ARHGAP15: variants seen among roughly 807,000 people sequenced by gnomAD.
ARHGAP15 encodes rho GTPase-activating protein 15.
A neutral mutation model predicts 63.7 loss-of-function variants in ARHGAP15; 51 were observed. The ratio of observed to expected loss-of-function variants is 0.80; its 90% CI spans 0.64 to 1.01. The LOEUF is 1.01. Ranked by LOEUF, ARHGAP15 falls within the 50% of genes least tolerant of loss-of-function variation. The pLI is 0.00. For missense variants in ARHGAP15, 560 were observed against 564.6 expected, an observed-to-expected ratio of 0.99 and a Z score of 0.08; for synonymous variants, 191 against 193.8, an observed-to-expected ratio of 0.99 and a Z score of 0.12.
At chr2:143,645,760 G>A (rs1680841988) in intron 12 of ARHGAP15, among the ~76,000 whole-genome samples, 1 of 152,006 alleles carries the variant, frequency 6.6e-6, no homozygotes, top group South Asian at 2.1e-4. Context: ...TATTATTCAG[G>A]AAATTCAGCT....
intron 8 of ARHGAP15, among the ~76,000 whole-genome samples, chr2:143,471,213 T>TGA (rs1691549691): frequency 6.8e-6 from 1 of 147,714 alleles, no homozygotes; most frequent in Non-Finnish European, 1.5e-5. Flanking sequence ...TGTGTGTATA[T>TGA]ATACACACAC....
chr2:143,535,861 A>G (rs1173111658), intron 10 of ARHGAP15, among the ~76,000 whole-genome samples: 1 of 152,246 alleles, frequency 6.6e-6, no homozygotes, highest in Non-Finnish European at 1.5e-5. Flanking sequence ...AGTCACATAT[A>G]TGGAGTTAGA....
intron 12 of ARHGAP15, among the ~76,000 whole-genome samples, chr2:143,689,874 A>G (rs1213978229): frequency 2.6e-5 from 4 of 152,142 alleles, no homozygotes; most frequent in African/African-American, 9.7e-5. Context: ...TCTACCTACA[A>G]TATCCTCAGT....
At chr2:143,358,375 GTAAT>G (rs1685891694) in intron 6 of ARHGAP15, among the ~76,000 whole-genome samples, 1 of 151,986 alleles carries the variant, frequency 6.6e-6, no homozygotes, top group Admixed American at 6.6e-5. Context: ...ATTTTTAAAA[GTAAT>G]TAAGACATGA....
At chr2:143,413,966 T>TGTGTGTGTGTGTGTGCGCGCGCGCGC in intron 6 of ARHGAP15, among the ~76,000 whole-genome samples, 68 of 117,906 alleles carry the variant, frequency 5.8e-4, no homozygotes, top group East Asian at 2.1e-3. Flanking sequence ...TGTGTGTGTG[T>TGTGTGTGTGTGTGTGCGCGCGCGCGC]GCGCGCTCTC....
At chr2:143,144,093 A>C (rs1689482570) in intron 1 of ARHGAP15, among the ~76,000 whole-genome samples, 1 of 152,054 alleles carries the variant, frequency 6.6e-6, no homozygotes, top group Admixed American at 6.6e-5. Flanking sequence ...AAAGGACATG[A>C]TCTCATTCTT....
intron 6 of ARHGAP15, among the ~76,000 whole-genome samples, chr2:143,408,592 G>T (rs182901830): frequency 3.3e-5 from 5 of 151,674 alleles, no homozygotes; most frequent in African/African-American, 1.2e-4. Flanking sequence ...TTTGCCAAAG[G>T]TGATTTCAAA....
intron 6 of ARHGAP15, among the ~76,000 whole-genome samples, chr2:143,364,182 CA>C (rs1304515642): frequency 6.9e-6 from 1 of 145,914 alleles, no homozygotes; most frequent in Non-Finnish European, 1.5e-5. Flanking sequence ...GAAACAGTAG[CA>C]AAAAAACAAA....
At chr2:143,311,724 C>T (rs1355996507) in intron 6 of ARHGAP15, among the ~76,000 whole-genome samples, 4 of 152,132 alleles carry the variant, frequency 2.6e-5, no homozygotes, top group African/African-American at 9.7e-5. Context: ...TAACTGTACT[C>T]TTAGCATATG....
chr2:143,764,052 A>T (rs1474253133), intron 13 of ARHGAP15, among the ~76,000 whole-genome samples: 1 of 152,064 alleles, frequency 6.6e-6, no homozygotes, highest in Non-Finnish European at 1.5e-5. Context: ...TTTATTTTAA[A>T]AATTTATTTT....
intron 10 of ARHGAP15, 99 bp from the exon 11 acceptor site, chr2:143,556,309 A>G: frequency 2.2e-6 from 2 of 895,324 alleles, no homozygotes; most frequent in Non-Finnish European, 3.4e-6. Context: ...TTTATCTGAG[A>G]AGAATAGATA....
At chr2:143,361,538 C>T (rs1425261773) in intron 6 of ARHGAP15, among the ~76,000 whole-genome samples, 1 of 152,130 alleles carries the variant, frequency 6.6e-6, no homozygotes, top group Non-Finnish European at 1.5e-5. Context: ...TGCCATCTGT[C>T]AGGAATTATT....
chr2:143,747,286 T>C (rs1159689291), intron 13 of ARHGAP15, among the ~76,000 whole-genome samples: 10 of 152,102 alleles, frequency 6.6e-5, no homozygotes, highest in Non-Finnish European at 1.5e-4. Context: ...TCCCATATAC[T>C]TCCTCTCCAC....
chr2:143,505,711 A>G (rs10191758), intron 9 of ARHGAP15, among the ~76,000 whole-genome samples: 45,222 of 152,100 alleles, frequency 0.3, 7,608 homozygotes, highest in Non-Finnish European at 0.38. Flanking sequence ...GCAGAACCAC[A>G]TGATTCCCTG....
intron 6 of ARHGAP15, among the ~76,000 whole-genome samples, chr2:143,253,858 AC>A (rs1299098633): frequency 2.0e-5 from 3 of 151,942 alleles, no homozygotes; most frequent in Non-Finnish European, 4.4e-5. Context: ...CCACACACAA[AC>A]ACAGAAAGAT....
At chr2:143,241,030 G>C (rs1045798551) in intron 5 of ARHGAP15, among the ~76,000 whole-genome samples, 2 of 152,038 alleles carry the variant, frequency 1.3e-5, no homozygotes, top group Non-Finnish European at 2.9e-5. Flanking sequence ...TAATTATGAA[G>C]CTTGTCTCTC....
At chr2:143,551,284 T>C (rs981483656) in intron 10 of ARHGAP15, among the ~76,000 whole-genome samples, 1 of 152,170 alleles carries the variant, frequency 6.6e-6, no homozygotes, top group Non-Finnish European at 1.5e-5. Flanking sequence ...CCTGAGTAGC[T>C]GGGACCACAG....
chr2:143,509,636 GT>G (rs1277887111), intron 9 of ARHGAP15, among the ~76,000 whole-genome samples: 2 of 152,136 alleles, frequency 1.3e-5, no homozygotes, highest in South Asian at 2.1e-4. Flanking sequence ...TCTCAGTAAA[GT>G]TTTGGGAAAG....
intron 1 of ARHGAP15, among the ~76,000 whole-genome samples, chr2:143,153,865 TC>T (rs1689965751): frequency 1.2e-5 from 1 of 81,752 alleles, no homozygotes; most frequent in African/African-American, 3.5e-5. Flanking sequence ...CTCCTCCTCC[TC>T]CTCCTCTTCC....
Sources: gnomAD v4.1 joint callset for allele counts (sites outside exome capture counted in the v4.1 genomes callset) on GRCh38, gnomAD v4.1.1 for gene constraint, MANE v1.5 for transcripts, NCBI Gene and HGNC (gene_info 2026-07-23, HGNC 2026-07-21) for gene names.